ITGA8: variants seen among roughly 807,000 people sequenced by gnomAD.
ITGA8 encodes the protein integrin alpha-8.
Under a neutral mutation model 142.3 loss-of-function variants are expected in ITGA8, and 91 were observed. The observed-to-expected ratio is 0.64, with a 90% CI of 0.54 to 0.76. ITGA8 has a LOEUF of 0.76. Ranked by LOEUF, ITGA8 falls within the 30% of genes least tolerant of loss-of-function variation. ITGA8 has a pLI of 0.00. For synonymous variants in ITGA8, 505 were observed against 485.2 expected, an observed-to-expected ratio of 1.04 and a Z score of -0.54; for missense variants, 1,406 against 1,327.7, an observed-to-expected ratio of 1.06 and a Z score of -0.92.
chr10:15,608,373 G>A (rs1588672520), intron 15 of ITGA8, 83 bp from the exon 16 acceptor site: 13 of 761,552 alleles, frequency 1.7e-5, no homozygotes, highest in South Asian at 4.9e-5. Context: ...CCCAGATAAC[G>A]AATATCATTT....
intron 13 of ITGA8, among the ~76,000 whole-genome samples, chr10:15,617,836 C>G (rs1833422596): frequency 6.6e-6 from 1 of 152,112 alleles, no homozygotes; most frequent in Admixed American, 6.5e-5. Context: ...CCTAAGTGTC[C>G]ATCAACAGTG....
Position 15,517,171 on chromosome 10 carries a change from G to A in ITGA8, c.3179C>T (p.Thr1060Ile), listed in dbSNP as rs1832978061. The change falls in exon 30 of 30, where the codon ACC becomes ATC. Residue 1060 changes from threonine to isoleucine, a missense_variant. Thr to Ile is a moderately conservative substitution (Grantham distance 89). Coordinates refer to ENST00000378076, the MANE Select transcript of ITGA8 (RefSeq NM_003638.3). ...TDREQLTNDKTPEA is the reference protein window; with the variant it reads ...TDREQLTNDKIPEA ...TTTTTTTTCTTGTCATGCCTCAGGGGTCTTGTCATTTGTCAGCTGTTCCCT... is the reference window on the plus strand; with the variant it reads ...TTTTTTTTCTTGTCATGCCTCAGGGATCTTGTCATTTGTCAGCTGTTCCCT... 1 of 1,612,444 alleles carries A rather than the reference G, an allele frequency of 6.2e-7. No homozygotes were observed. The highest frequency in any genetic ancestry group is 8.5e-7 in the Non-Finnish European group (1 of 1,179,026).
chr10:15,561,393 T>A lies in ITGA8; in HGVS notation c.2638-3191A>T, dbSNP rs145446634. On this transcript the variant is annotated intron_variant, in intron 25 of 29. Transcript: ENST00000378076. The stretch of plus-strand genomic sequence containing the variant: ...CATGTTGCTTGATATATTCTTATGA[T>A]AGCATTTAGCGTTCTTAACATAAAA... Among the ~76,000 whole-genome samples, 10 of 152,012 alleles carry A rather than the reference T, an allele frequency of 6.6e-5. No homozygotes were observed. In the East Asian group the frequency reaches 1.7e-3, roughly 26 times the overall value.
chr10:15,637,387 A>T (rs1229001508), intron 13 of ITGA8, among the ~76,000 whole-genome samples: 1 of 152,214 alleles, frequency 6.6e-6, no homozygotes, highest in Non-Finnish European at 1.5e-5. Flanking sequence ...ATCATACCAG[A>T]TAAAGAAATA....
intron 26 of ITGA8, among the ~76,000 whole-genome samples, chr10:15,556,018 CTTTTTT>C (rs869241754): frequency 7.5e-5 from 4 of 53,630 alleles, no homozygotes; most frequent in Non-Finnish European, 3.1e-5. Flanking sequence ...CTCTCTCTCT[CTTTTTT>C]TTTTTTTTTT....
chr10:15,570,367 G>A (rs1834156188), intron 25 of ITGA8, among the ~76,000 whole-genome samples: 1 of 152,140 alleles, frequency 6.6e-6, no homozygotes, highest in Non-Finnish European at 1.5e-5. Context: ...CAGCACTTTG[G>A]GAGGCCGAGG....
intron 25 of ITGA8, among the ~76,000 whole-genome samples, chr10:15,569,944 A>G (rs1390522616): frequency 6.6e-6 from 1 of 152,208 alleles, no homozygotes; most frequent in Non-Finnish European, 1.5e-5. Flanking sequence ...ATTATTTAGC[A>G]TCATAAGAGG....
At chr10:15,711,121 A>G (rs1045160110) in intron 2 of ITGA8, among the ~76,000 whole-genome samples, 6 of 152,222 alleles carry the variant, frequency 3.9e-5, no homozygotes, top group African/African-American at 9.6e-5. Flanking sequence ...CCTGAATTTC[A>G]TAAGGATATA....
intron 18 of ITGA8, 124 bp from the exon 19 acceptor site, chr10:15,605,915 C>G: frequency 1.2e-6 from 1 of 804,782 alleles, no homozygotes; most frequent in Non-Finnish European, 2.1e-6. Flanking sequence ...CATGACTCTA[C>G]CCAAGCCAAT....
chr10:15,711,833 TTC>T (rs1270248984), intron 2 of ITGA8, among the ~76,000 whole-genome samples: 2 of 152,212 alleles, frequency 1.3e-5, no homozygotes, highest in African/African-American at 4.8e-5. Flanking sequence ...CTAGGAAAGT[TTC>T]TCAATTTGCA....
Position 15,549,201 on chromosome 10 carries a change from G to GTTTTTTTTT in ITGA8, c.2767-642_2767-634dup, listed in dbSNP as rs67683436. 3.5e-4 allele frequency among the ~76,000 whole-genome samples: 38 copies of GTTTTTTTTT among 107,302 alleles called. 4 individuals carry two copies. Among genetic ancestry groups the GTTTTTTTTT allele is most frequent in the Middle Eastern group, 4.2e-3 (1 of 236 alleles). 70.4% of individuals were successfully genotyped at this position (107,302 alleles called of 152,430 possible). ...TTCTTTCTTTTTTCTTTTCTTTTCT[G>GTTTTTTTTT]TTTTTTTTTTTTTTTTTTTTTTTTT... is the stretch of plus-strand genomic sequence containing the variant. On this transcript the variant is annotated intron_variant, in intron 26 of 29. Transcript: ENST00000378076.
intron 23 of ITGA8, among the ~76,000 whole-genome samples, chr10:15,584,788 A>C (rs1451669): frequency 0.49 from 74,497 of 151,982 alleles, 18,270 homozygotes; most frequent in Admixed American, 0.56. Context: ...CATGGTGGCT[A>C]AGGCCTGTAA....
chr10:15,621,529 A>G (rs1258171487), intron 13 of ITGA8, among the ~76,000 whole-genome samples: 1 of 152,194 alleles, frequency 6.6e-6, no homozygotes, highest in Non-Finnish European at 1.5e-5. Context: ...TGATTTCACT[A>G]ATTTGGGAAA....
Position 15,644,953 on chromosome 10 carries a change from C to T in ITGA8, c.1208-732G>A, listed in dbSNP as rs9333265. 3.6e-3 allele frequency among the ~76,000 whole-genome samples: 550 copies of T among 151,604 alleles called. 3 individuals carry two copies. The highest frequency in any genetic ancestry group is 3.8e-3 in the Non-Finnish European group (255 of 67,878). On this transcript the variant is annotated intron_variant, in intron 12 of 29. Transcript: ENST00000378076. ...CTAAAAATACAAAAAATTAGCCTGG[C>T]GTAGTGGCGGGCGCCTGTAATCCCA...
intron 27 of ITGA8, among the ~76,000 whole-genome samples, chr10:15,537,129 T>A (rs956471613): frequency 6.6e-6 from 1 of 152,208 alleles, no homozygotes; most frequent in African/African-American, 2.4e-5. Context: ...CCAGTTTGCA[T>A]GTTCGTTACA....
chr10:15,677,560 A>T (rs192220916), intron 6 of ITGA8, 32 bp downstream of exon 6: 1 of 1,597,596 alleles, frequency 6.3e-7, no homozygotes, highest in African/African-American at 1.3e-5. Context: ...GTAACAACAA[A>T]TGTGCTTTTC....
At chr10:15,656,511 C>T (rs1303373773) in intron 10 of ITGA8, among the ~76,000 whole-genome samples, 1 of 151,920 alleles carries the variant, frequency 6.6e-6, no homozygotes, top group Non-Finnish European at 1.5e-5. Context: ...TTACAGGTAC[C>T]TGCCACCATG....
rs765713984 is a variant in ITGA8 at position 15,548,504 on chromosome 10, C to T, written c.2831G>A (p.Ser944Asn). Residue 944 changes from serine to asparagine, a missense_variant, in exon 27 of 30, where the codon AGC (serine) becomes AAC (asparagine). Ser to Asn is a conservative substitution (Grantham distance 46). Coordinates refer to ENST00000378076, the MANE Select transcript of ITGA8 (RefSeq NM_003638.3). The stretch of plus-strand genomic sequence containing the variant: ...TCGTGACCTGACTTTCAGGACTGCG[C>T]TTTCTCCTCCTTCGAGTCGTCCCAC... ...CAVGRLEGGESAVLKVRSRLW... is the reference protein window; with the variant it reads ...CAVGRLEGGENAVLKVRSRLW... 1 of 1,601,014 alleles carries T rather than the reference C, an allele frequency of 6.2e-7. No homozygotes were observed. The highest frequency in any genetic ancestry group is 8.5e-7 in the Non-Finnish European group (1 of 1,176,644).
chr10:15,564,497 T>C (rs1270380171), intron 25 of ITGA8, among the ~76,000 whole-genome samples: 1 of 152,222 alleles, frequency 6.6e-6, no homozygotes, highest in African/African-American at 2.4e-5. Context: ...GTAGAACAAA[T>C]GAAAATGACT....
Sources: allele counts gnomAD v4.1 joint callset (sites outside exome capture counted in the v4.1 genomes callset), GRCh38; gene constraint gnomAD v4.1.1; transcripts MANE v1.5; gene names NCBI Gene and HGNC (gene_info 2026-07-23, HGNC 2026-07-21).